The following FOXP1 variants were observed in gnomAD, a reference collection of about 807,000 sequenced individuals.
FOXP1 encodes the protein forkhead box P1, also known as forkhead box protein P1.
Under a neutral mutation model 98.2 loss-of-function variants are expected in FOXP1, and 15 were observed. That is an observed-to-expected ratio of 0.15 (90% CI 0.10 to 0.24). The LOEUF is 0.24. FOXP1 is among the 10% of genes least tolerant of loss of function. The pLI is 1.00. For missense variants in FOXP1, 633 were observed against 848.5 expected (o/e 0.75, Z 3.15); for synonymous variants, 371 against 314.5 (o/e 1.18, Z -1.90).
At chr3:71,064,300 G>A (rs2107317300) in intron 7 of FOXP1, among the ~76,000 whole-genome samples, 1 of 152,244 alleles carries the variant, frequency 6.6e-6, no homozygotes, top group South Asian at 2.1e-4. Context: ...CATCCACATG[G>A]GTTACACTGA....
At chr3:71,129,234 A>G (rs1180489075) in intron 6 of FOXP1, among the ~76,000 whole-genome samples, 2 of 152,020 alleles carry the variant, frequency 1.3e-5, no homozygotes, top group Admixed American at 1.3e-4. Flanking sequence ...CCCTGCAATT[A>G]CTCCTACTGT....
At chr3:70,971,082 G>A in intron 18 of FOXP1, 2 of 424,822 alleles carry the variant, frequency 4.7e-6, no homozygotes, top group Non-Finnish European at 8.8e-6. Context: ...CCTCTCTGCA[G>A]ATTTTTAGGA....
intron 6 of FOXP1, among the ~76,000 whole-genome samples, chr3:71,188,571 A>G (rs1446931241): frequency 2.0e-5 from 3 of 151,960 alleles, no homozygotes; most frequent in Non-Finnish European, 1.5e-5. Context: ...GTGGATGCCA[A>G]CACGCCCGGC....
chr3:71,397,749 T>C (rs1422764015), intron 3 of FOXP1, among the ~76,000 whole-genome samples: 1 of 152,190 alleles, frequency 6.6e-6, no homozygotes, highest in Non-Finnish European at 1.5e-5. Context: ...CTAGAAACCT[T>C]TGAAGTCTTC....
At chr3:71,090,234 T>C (rs1442822211) in intron 7 of FOXP1, among the ~76,000 whole-genome samples, 1 of 152,236 alleles carries the variant, frequency 6.6e-6, no homozygotes, top group Non-Finnish European at 1.5e-5. Context: ...AGAAATTTCA[T>C]TTTCTAAGCT....
At chr3:71,039,260 T>C (rs1323670787) in intron 11 of FOXP1, among the ~76,000 whole-genome samples, 1 of 152,186 alleles carries the variant, frequency 6.6e-6, no homozygotes, top group Non-Finnish European at 1.5e-5. Flanking sequence ...ATCCATATTC[T>C]AATTCTGGTG....
intron 11 of FOXP1, among the ~76,000 whole-genome samples, chr3:71,019,951 T>G (rs2045180510): frequency 6.6e-6 from 1 of 152,230 alleles, no homozygotes; most frequent in African/African-American, 2.4e-5. Context: ...TCTATTTCAT[T>G]TCTGTGTGGC....
intron 6 of FOXP1, among the ~76,000 whole-genome samples, chr3:71,113,647 A>G (rs1224918223): frequency 6.6e-6 from 1 of 151,376 alleles, no homozygotes; most frequent in African/African-American, 2.4e-5. Context: ...TGGGAGGCAG[A>G]GGTTAGGGTA....
intron 6 of FOXP1, among the ~76,000 whole-genome samples, chr3:71,186,479 G>A (rs372565431): frequency 5.9e-5 from 9 of 152,222 alleles, no homozygotes; most frequent in East Asian, 5.8e-4. Context: ...TTGGGAAGCC[G>A]AGGCAGGCGG....
chr3:71,471,403 G>A (rs1453658074), intron 3 of FOXP1, among the ~76,000 whole-genome samples: 1 of 152,100 alleles, frequency 6.6e-6, no homozygotes, highest in African/African-American at 2.4e-5. Context: ...GTTTGTCAAT[G>A]GGAATATTAG....
chr3:71,281,597 C>T (rs921742910), intron 5 of FOXP1, among the ~76,000 whole-genome samples: 4 of 152,190 alleles, frequency 2.6e-5, no homozygotes, highest in African/African-American at 4.8e-5. Flanking sequence ...TGTCAAGAGC[C>T]TAATGCTCTT....
At chr3:71,104,569 A>T (rs968886141) in intron 7 of FOXP1, among the ~76,000 whole-genome samples, 1 of 152,188 alleles carries the variant, frequency 6.6e-6, no homozygotes, top group Non-Finnish European at 1.5e-5. Context: ...AACTGTCATC[A>T]ACATTTTTTC....
chr3:71,387,116 G>A (rs2080650009), intron 3 of FOXP1, among the ~76,000 whole-genome samples: 1 of 152,126 alleles, frequency 6.6e-6, no homozygotes, highest in Admixed American at 6.6e-5. Context: ...TATATTTTCA[G>A]CAAGCTCTAG....
At chr3:71,180,751 C>T (rs1475828746) in intron 6 of FOXP1, among the ~76,000 whole-genome samples, 1 of 152,050 alleles carries the variant, frequency 6.6e-6, no homozygotes, top group Non-Finnish European at 1.5e-5. Context: ...TGGCAAATTG[C>T]GTAATGCCAG....
intron 5 of FOXP1, among the ~76,000 whole-genome samples, chr3:71,240,747 A>G (rs542252747): frequency 8.6e-5 from 13 of 151,172 alleles, no homozygotes; most frequent in East Asian, 6.1e-4. Flanking sequence ...GGGTTTCACC[A>G]TGTTAGCCAG....
chr3:71,434,631 G>GTTGTGTGTGT (rs376887775), intron 3 of FOXP1, among the ~76,000 whole-genome samples: 171 of 142,340 alleles, frequency 1.2e-3, no homozygotes, highest in African/African-American at 4.3e-3. Context: ...GAGGGGATGG[G>GTTGTGTGTGT]GTGTGTGTGT....
At chr3:71,406,481 T>C (rs142738277) in intron 3 of FOXP1, among the ~76,000 whole-genome samples, 1 of 149,542 alleles carries the variant, frequency 6.7e-6, no homozygotes, top group African/African-American at 2.4e-5. Context: ...AATCAGGGTA[T>C]TCCATTTCCA....
At chr3:71,412,004 G>C (rs967207342) in intron 3 of FOXP1, among the ~76,000 whole-genome samples, 10 of 152,204 alleles carry the variant, frequency 6.6e-5, no homozygotes, top group Non-Finnish European at 1.3e-4. Context: ...GAAGAATGTT[G>C]TTATTACTAT....
intron 4 of FOXP1, among the ~76,000 whole-genome samples, chr3:71,324,517 C>G (rs1450094099): frequency 1.3e-5 from 2 of 151,498 alleles, no homozygotes; most frequent in East Asian, 3.9e-4. Flanking sequence ...ATCGCAAGGA[C>G]AGAAAACCAA....
Sources: gnomAD v4.1 joint callset for allele counts (sites outside exome capture counted in the v4.1 genomes callset) on GRCh38, gnomAD v4.1.1 for gene constraint, MANE v1.5 for transcripts, NCBI Gene and HGNC (gene_info 2026-07-23, HGNC 2026-07-21) for gene names.